DENND5A: variants seen among roughly 807,000 people sequenced by gnomAD.
DENND5A encodes DENN domain-containing protein 5A.
A neutral mutation model predicts 140.3 loss-of-function variants in DENND5A; 64 were observed. That is an observed-to-expected ratio of 0.46 (90% CI 0.37 to 0.56). The LOEUF is 0.56. Ranked by LOEUF, DENND5A falls within the 20% of genes least tolerant of loss-of-function variation. DENND5A has a pLI of 0.00. For synonymous variants in DENND5A, 605 were observed against 607.7 expected (o/e 1.00, Z 0.07); for missense variants, 1,292 against 1,593.8 (o/e 0.81, Z 3.22).
At chr11:9,167,638 C>G (rs1382776817) in intron 10 of DENND5A, among the ~76,000 whole-genome samples, 1 of 151,712 alleles carries the variant, frequency 6.6e-6, no homozygotes, top group African/African-American at 2.4e-5. Flanking sequence ...AAGACCAAAA[C>G]AACAACAACA....
intron 1 of DENND5A, among the ~76,000 whole-genome samples, chr11:9,236,360 T>C (rs1851002972): frequency 1.3e-5 from 2 of 151,660 alleles, no homozygotes; most frequent in South Asian, 4.2e-4. Context: ...GGCGAAACCC[T>C]GTCTCTACTA....
At position 9,180,971 on chromosome 11, in the gene DENND5A, T is replaced by C. The variant is rs779986585; in HGVS notation, c.1251A>G (p.Ala417=). The C allele has an allele frequency of 1.2e-6, 2 of 1,614,128 alleles. No individual in the cohort carries two copies. Among genetic ancestry groups the C allele is most frequent in the Admixed American group, 3.3e-5 (2 of 60,024 alleles). ...FVQEVSEILM[A]FGIPPEGNLH... Reference sequence around the variant, plus strand: ...GATTCCCTTCAGGGGGAATTCCAAATGCCATGAGAATCTCAGAGACTTCCT... The same window carrying C: ...GATTCCCTTCAGGGGGAATTCCAAACGCCATGAGAATCTCAGAGACTTCCT... Residue 417 remains alanine (A), a synonymous_variant, in exon 6 of 23, where the codon GCA becomes GCG. Transcript: ENST00000328194.
chr11:9,147,767 A>G (rs1847482606), intron 15 of DENND5A, among the ~76,000 whole-genome samples: 1 of 152,172 alleles, frequency 6.6e-6, no homozygotes, highest in African/African-American at 2.4e-5. Context: ...TTCACTGCCT[A>G]TTCATCAGAG....
chr11:9,238,472 A>G (rs1414318024), intron 1 of DENND5A, among the ~76,000 whole-genome samples: 1 of 151,208 alleles, frequency 6.6e-6, no homozygotes, highest in Non-Finnish European at 1.5e-5. Flanking sequence ...CCTAGGCTGC[A>G]GTGGCGCCAT....
chr11:9,192,499 G>A (rs189399121), intron 5 of DENND5A, among the ~76,000 whole-genome samples: 2 of 152,132 alleles, frequency 1.3e-5, no homozygotes, highest in African/African-American at 4.8e-5. Flanking sequence ...GTGGTGGTGG[G>A]CACCTGTAAT....
chr11:9,169,351 C>T (rs912289683), intron 10 of DENND5A, among the ~76,000 whole-genome samples: 1 of 152,042 alleles, frequency 6.6e-6, no homozygotes, highest in Non-Finnish European at 1.5e-5. Flanking sequence ...GAGGCTGAGG[C>T]AGGGGAATTG....
intron 1 of DENND5A, among the ~76,000 whole-genome samples, chr11:9,254,213 G>A (rs1461004453): frequency 6.8e-6 from 1 of 147,694 alleles, no homozygotes; most frequent in Non-Finnish European, 1.5e-5. Flanking sequence ...GTAGTCCCAA[G>A]TACTCAAGAG....
intron 13 of DENND5A, among the ~76,000 whole-genome samples, 162 bp from the exon 14 acceptor site, chr11:9,150,926 A>G (rs1330338086): frequency 6.6e-6 from 1 of 152,144 alleles, no homozygotes; most frequent in African/African-American, 2.4e-5. Context: ...CCTACTAGAG[A>G]CCGAATTTTA....
At chr11:9,237,477 A>G (rs924555173) in intron 1 of DENND5A, among the ~76,000 whole-genome samples, 3 of 152,226 alleles carry the variant, frequency 2.0e-5, no homozygotes, top group Non-Finnish European at 4.4e-5. Context: ...GAAAAGCGGT[A>G]ACACTTTATT....
chr11:9,150,978 A>G (rs1847597738), intron 13 of DENND5A, among the ~76,000 whole-genome samples: 1 of 152,252 alleles, frequency 6.6e-6, no homozygotes, highest in South Asian at 2.1e-4. Context: ...CTAACAATTT[A>G]TAAGGTAGCC....
At chr11:9,188,748 A>G (rs1455353302) in intron 5 of DENND5A, among the ~76,000 whole-genome samples, 1 of 152,216 alleles carries the variant, frequency 6.6e-6, no homozygotes, top group African/African-American at 2.4e-5. Context: ...GGTATCTGGC[A>G]GAAGAAATTT....
chr11:9,215,217 T>C (rs1295260613), intron 1 of DENND5A, among the ~76,000 whole-genome samples: 1 of 152,218 alleles, frequency 6.6e-6, no homozygotes, highest in Non-Finnish European at 1.5e-5. Context: ...TTTTTATTGA[T>C]GTTTTGCCTC....
At chr11:9,172,173 T>C (rs1471257703) in intron 8 of DENND5A, 2 of 151,662 alleles carry the variant, frequency 1.3e-5, no homozygotes, top group Admixed American at 1.3e-4. Flanking sequence ...AACAGAAAAA[T>C]TACTAGAAGA....
At chr11:9,225,493 G>C (rs901909943) in intron 1 of DENND5A, among the ~76,000 whole-genome samples, 1 of 152,172 alleles carries the variant, frequency 6.6e-6, no homozygotes, top group Non-Finnish European at 1.5e-5. Context: ...GGGCACGGTG[G>C]CTCACGCCTG....
intron 21 of DENND5A, 61 bp downstream of exon 21, chr11:9,142,661 C>A (rs1234395553): frequency 6.2e-7 from 1 of 1,603,102 alleles, no homozygotes. Flanking sequence ...CCATGCTATG[C>A]TGGTGAGTCC....
chr11:9,210,856 T>C (rs1167754293), intron 1 of DENND5A, among the ~76,000 whole-genome samples: 2 of 152,184 alleles, frequency 1.3e-5, no homozygotes, highest in East Asian at 1.9e-4. Flanking sequence ...TTGAAGGTGA[T>C]AGGGAGGATA....
intron 5 of DENND5A, among the ~76,000 whole-genome samples, chr11:9,189,860 G>C (rs1849055172): frequency 6.6e-6 from 1 of 152,124 alleles, no homozygotes; most frequent in Admixed American, 6.5e-5. Flanking sequence ...GGCTGGTCTT[G>C]AACTCCCGAC....
chr11:9,157,510 T>G (rs762558842), intron 12 of DENND5A, among the ~76,000 whole-genome samples: 1 of 152,184 alleles, frequency 6.6e-6, no homozygotes, highest in Non-Finnish European at 1.5e-5. Flanking sequence ...CAGGCCTTGG[T>G]GCCTGTTGTT....
At chr11:9,145,334 A>G (rs1439927421) in intron 17 of DENND5A, 3 of 589,028 alleles carry the variant, frequency 5.1e-6, no homozygotes, top group South Asian at 2.2e-5. Flanking sequence ...GAACAGGGTC[A>G]GGGAGCAAGA....
Sources: gnomAD v4.1 joint callset for allele counts (sites outside exome capture counted in the v4.1 genomes callset) on GRCh38, gnomAD v4.1.1 for gene constraint, MANE v1.5 for transcripts, NCBI Gene and HGNC (gene_info 2026-07-23, HGNC 2026-07-21) for gene names.